Variants in DUS4L observed in about 807,000 individuals in gnomAD.
DUS4L encodes tRNA-dihydrouridine(20a/20b) synthase [NAD(P)+]-like.
A neutral mutation model predicts 33.8 loss-of-function variants in DUS4L; 31 were observed. The observed-to-expected ratio is 0.92, with a 90% CI of 0.69 to 1.24. DUS4L has a LOEUF of 1.24. Ranked by LOEUF, DUS4L falls within the 50% of genes most tolerant of loss-of-function variation. The pLI is 0.00. For synonymous variants in DUS4L, 103 were observed against 120.3 expected (o/e 0.86, Z 0.94); for missense variants, 368 against 388.6 (o/e 0.95, Z 0.45).
At chr7:107,571,025 G>A in intron 3 of DUS4L, 120 bp from the exon 4 acceptor site, 3 of 1,307,192 alleles carry the variant, frequency 2.3e-6, no homozygotes, top group Non-Finnish European at 2.1e-6. Context: ...GAATAATAGG[G>A]AAAAGTAAAT....
At chr7:107,577,292 A>G (rs1805839558) in intron 7 of DUS4L, 21 bp from the exon 8 acceptor site, 1 of 1,612,870 alleles carries the variant, frequency 6.2e-7, no homozygotes, top group African/African-American at 1.3e-5. Context: ...ATGGACAAAT[A>G]TGGTGTGCTT....
chr7:107,565,009 T>G (rs1360663628), intron 2 of DUS4L, among the ~76,000 whole-genome samples: 1 of 152,202 alleles, frequency 6.6e-6, no homozygotes, highest in African/African-American at 2.4e-5. Context: ...GGTAAGCAAG[T>G]CTTATGCTAC....
chr7:107,576,085 G>C (rs1305311862), intron 6 of DUS4L, among the ~76,000 whole-genome samples: 1 of 152,224 alleles, frequency 6.6e-6, no homozygotes, highest in African/African-American at 2.4e-5. Context: ...ATCTGTGACA[G>C]TACTTTCATG....
intron 5 of DUS4L, among the ~76,000 whole-genome samples, chr7:107,574,561 C>G (rs1805559786): frequency 2.0e-5 from 3 of 152,128 alleles, no homozygotes; most frequent in South Asian, 4.1e-4. Context: ...TGGTTGCAAA[C>G]TCCCAACCTC....
intron 4 of DUS4L, among the ~76,000 whole-genome samples, chr7:107,572,834 C>T (rs1206665054): frequency 6.8e-6 from 1 of 147,968 alleles, no homozygotes; most frequent in Non-Finnish European, 1.5e-5. Context: ...GGGTGACAGA[C>T]TCTGTCTCAA....
chr7:107,575,550 A>T, intron 6 of DUS4L: 2 of 310,332 alleles, frequency 6.4e-6, no homozygotes, highest in Non-Finnish European at 5.7e-6. Context: ...AAGTTTCACC[A>T]AACTTTCAAC....
intron 3 of DUS4L, 110 bp downstream of exon 3, chr7:107,567,296 C>A: frequency 1.2e-6 from 1 of 829,018 alleles, no homozygotes; most frequent in Non-Finnish European, 1.9e-6. Context: ...AAACTCTTAG[C>A]TTTGGAATCA....
chr7:107,568,045 T>C (rs1313316993), intron 3 of DUS4L, among the ~76,000 whole-genome samples: 1 of 152,224 alleles, frequency 6.6e-6, no homozygotes, highest in Non-Finnish European at 1.5e-5. Flanking sequence ...TTGATATCCA[T>C]TCATATATTG....
rs1325363337 is a variant in DUS4L at position 107,563,999 on chromosome 7, C to T, written c.-321C>T. 1.3e-6 allele frequency: 2 copies of T among 1,554,220 alleles called. No individual in the cohort carries two copies. The highest frequency in any genetic ancestry group is 2.7e-5 in the African/African-American group (2 of 73,238). On this transcript the variant is annotated 5_prime_UTR_variant, in exon 1 of 8. Coordinates refer to ENST00000265720, the MANE Select transcript of DUS4L (RefSeq NM_181581.3). ...CGCCCACCCAGCCCATGGCTCCAGG[C>T]CCACCTGGCGAACTGACTCTCAGCC...
chr7:107,572,590 C>T, intron 4 of DUS4L, among the ~76,000 whole-genome samples: 1 of 152,176 alleles, frequency 6.6e-6, no homozygotes, highest in East Asian at 1.9e-4. Flanking sequence ...TGGCTCATGC[C>T]TGTAATCTTA....
At chr7:107,572,514 C>A (rs913494155) in intron 4 of DUS4L, among the ~76,000 whole-genome samples, 2 of 152,108 alleles carry the variant, frequency 1.3e-5, no homozygotes, top group Non-Finnish European at 2.9e-5. Flanking sequence ...AAAATATGTT[C>A]TTTAAAACCT....
Position 107,567,102 on chromosome 7 carries a change from G to T in DUS4L, c.32G>T (p.Cys11Phe). 6.2e-7 allele frequency: 1 copy of T among 1,613,474 alleles called. No homozygotes were observed. Among genetic ancestry groups the T allele is most frequent in the Non-Finnish European group, 8.5e-7 (1 of 1,179,636 alleles). ...AGTGACTGCATGCAAACGACAATATGTCAGGAAAGAAAAAAAGATCCCATA... is the reference window on the plus strand; with the variant it reads ...AGTGACTGCATGCAAACGACAATATTTCAGGAAAGAAAAAAAGATCCCATA... The part of the protein sequence containing the change: MKSDCMQTTI[C>F]QERKKDPIEM... Residue 11 changes from cysteine (C) to phenylalanine (F), a missense_variant, in exon 3 of 8, where the codon TGT becomes TTT. Cys to Phe is a radical substitution (Grantham distance 205). Transcript: ENST00000265720.
Position 107,564,097 on chromosome 7 carries a change from G to T in DUS4L, c.-223G>T. 2.4e-6 allele frequency: 3 copies of T among 1,255,792 alleles called. No homozygotes were observed. The highest frequency in any genetic ancestry group is 3.3e-6 in the Non-Finnish European group (3 of 899,216). The allele number at this position is 1,255,792 out of a possible 1,614,324, so 77.8% of individuals were successfully genotyped here. ...TGGGCGCCCAGGGTCCGAGTGCTCT[G>T]CGCCCAGCGCACCGAGGGAGCCAAG... On this transcript the variant is annotated 5_prime_UTR_variant, in exon 1 of 8. Transcript: ENST00000265720.
intron 2 of DUS4L, among the ~76,000 whole-genome samples, chr7:107,565,601 GC>G (rs1242720905): frequency 2.0e-5 from 3 of 152,150 alleles, no homozygotes; most frequent in Non-Finnish European, 2.9e-5. Context: ...GTGGCTCACT[GC>G]AGCCTCAACC....
intron 5 of DUS4L, among the ~76,000 whole-genome samples, chr7:107,574,231 T>C (rs760889407): frequency 1.3e-5 from 2 of 152,308 alleles, no homozygotes; most frequent in Admixed American, 6.5e-5. Context: ...TCCTAATTAA[T>C]TCCCCTTATA....
At chr7:107,575,698 A>G in intron 6 of DUS4L, 1 of 169,140 alleles carries the variant, frequency 5.9e-6, no homozygotes, top group South Asian at 1.5e-4. Context: ...TTGAAAACAT[A>G]TTTCTTTTTT....
intron 5 of DUS4L, among the ~76,000 whole-genome samples, chr7:107,574,342 ATTTC>A (rs921703293): frequency 1.4e-5 from 2 of 141,124 alleles, no homozygotes; most frequent in African/African-American, 5.2e-5. Flanking sequence ...TGACAATAAT[ATTTC>A]TTTTTTTTTT....
At chr7:107,574,468 A>T (rs2129196345) in intron 5 of DUS4L, among the ~76,000 whole-genome samples, 1 of 150,450 alleles carries the variant, frequency 6.6e-6, no homozygotes, top group South Asian at 2.1e-4. Flanking sequence ...CCTCCTGAGT[A>T]GCTGGGATTA....
intron 2 of DUS4L, among the ~76,000 whole-genome samples, chr7:107,564,985 C>G (rs1469215627): frequency 3.9e-5 from 6 of 152,178 alleles, no homozygotes; most frequent in African/African-American, 1.4e-4. Flanking sequence ...GCATTTCATA[C>G]TCATAACACC....
Sources: gnomAD v4.1 joint callset for allele counts (sites outside exome capture counted in the v4.1 genomes callset) on GRCh38, gnomAD v4.1.1 for gene constraint, MANE v1.5 for transcripts, NCBI Gene and HGNC (gene_info 2026-07-23, HGNC 2026-07-21) for gene names.